Variants in PKD1L1 observed in about 807,000 individuals in gnomAD.
PKD1L1 encodes the protein polycystin 1 like 1, transient receptor potential channel interacting.
PKD1L1 carries 236 observed loss-of-function variants against 323.4 expected under a neutral mutation model. The ratio of observed to expected loss-of-function variants is 0.73; its 90% CI spans 0.66 to 0.81. The LOEUF is 0.81. Ranked by LOEUF, PKD1L1 falls within the 40% of genes least tolerant of loss-of-function variation. PKD1L1 has a pLI of 0.00. For missense variants in PKD1L1, 3,320 were observed against 3,508.0 expected, an observed-to-expected ratio of 0.95 and a Z score of 1.35; for synonymous variants, 1,344 against 1,335.0, an observed-to-expected ratio of 1.01 and a Z score of -0.15.
At position 47,940,613 on chromosome 7, in the gene PKD1L1, G is replaced by C. The variant is rs138173041; in HGVS notation, c.161-296C>G. ...TGTTCCAGAAACACCCAGTGGTCTG[G>C]TCATAAAATAATGAGGGTCAAAGGT... is the stretch of plus-strand genomic sequence containing the variant. On this transcript the variant is annotated intron_variant, in intron 2 of 56. Transcript: ENST00000289672. Among the ~76,000 whole-genome samples, 68 of 152,356 alleles carry C rather than the reference G, an allele frequency of 4.5e-4. 2 individuals carry two copies. The East Asian group carries it at 9.6e-3, about 22-fold the overall frequency.
rs752712109 is a variant in PKD1L1 at position 47,866,500 on chromosome 7, G to A, written c.4011C>T (p.Asp1337=). Residue 1337 remains aspartate, a synonymous_variant, in exon 25 of 57, where the codon GAC becomes GAT. Coordinates refer to ENST00000289672, the MANE Select transcript of PKD1L1 (RefSeq NM_138295.5). ...TRILSRLSKE[D]KTASCNQWSR... ...ACCATTGGTTGCAGGAGGCAGTTTT[G>A]TCCTCCTTAGACAAACGACTCAGGA... 1 of 1,613,866 alleles carries A rather than the reference G, an allele frequency of 6.2e-7. No individual in the cohort carries two copies. Among genetic ancestry groups the A allele is most frequent in the Non-Finnish European group, 8.5e-7 (1 of 1,179,946 alleles).
Position 47,857,455 on chromosome 7 carries a change from C to T in PKD1L1, c.4590+150G>A, listed in dbSNP as rs1785929288. ...AGAGGAGTAGAGTCAGCAACGTGTT[C>T]TAAGTGATCCCTCTTGGCACTGAGA... is the stretch of plus-strand genomic sequence containing the variant. On this transcript the variant is annotated intron_variant, in intron 28 of 56. Transcript: ENST00000289672. 19 of 652,226 alleles carry T rather than the reference C, an allele frequency of 2.9e-5. No homozygotes were observed. In the South Asian group the frequency reaches 3.3e-4, roughly 11 times the overall value. 40.4% of individuals were successfully genotyped at this position (652,226 alleles called of 1,614,324 possible). A position where few individuals can be genotyped will look rare whatever the true frequency, so the allele number is the denominator to read the frequency against.
the PKD1L1 span, among the ~76,000 whole-genome samples, chr7:47,954,178 CG>C: frequency 6.6e-6 from 1 of 152,192 alleles, no homozygotes; most frequent in African/African-American, 2.4e-5. Flanking sequence ...CTATGAGCCT[CG>C]GAAGAGCCAT....
At chr7:47,790,296 T>A (rs769639099) in intron 56 of PKD1L1, among the ~76,000 whole-genome samples, 1 of 151,972 alleles carries the variant, frequency 6.6e-6, no homozygotes, top group African/African-American at 2.4e-5. Context: ...AAACAGTTTT[T>A]TATGATTAAA....
intron 31 of PKD1L1, among the ~76,000 whole-genome samples, chr7:47,850,783 A>G (rs1785765384): frequency 6.6e-6 from 1 of 152,218 alleles, no homozygotes; most frequent in Admixed American, 6.5e-5. Context: ...TTACTGTAAT[A>G]TATCATGTAA....
intron 54 of PKD1L1, among the ~76,000 whole-genome samples, chr7:47,797,981 C>G (rs1418080818): frequency 2.0e-5 from 3 of 152,066 alleles, no homozygotes; most frequent in Non-Finnish European, 4.4e-5. Flanking sequence ...ATTCTAGGAT[C>G]AAAAAAGCTT....
chr7:47,796,233 G>A, intron 54 of PKD1L1, 83 bp from the exon 55 acceptor site: 9 of 1,228,724 alleles, frequency 7.3e-6, no homozygotes, highest in Non-Finnish European at 1.0e-5. Context: ...ACTATGCAAT[G>A]GAGATTATAT....
Position 47,877,343 on chromosome 7 carries a change from C to G in PKD1L1, c.3663+146G>C, listed in dbSNP as rs1191554486. On this transcript the variant is annotated intron_variant, in intron 22 of 56. Coordinates refer to ENST00000289672, the MANE Select transcript of PKD1L1 (RefSeq NM_138295.5). The stretch of plus-strand genomic sequence containing the variant: ...GTGGGGAAGCCCATTCATGCCTAAC[C>G]AACTTTCCAACATTCAACGGCAGGC... 1.2e-5 allele frequency: 14 copies of G among 1,200,886 alleles called. 1 individual carries two copies. Among genetic ancestry groups the G allele is most frequent in the Non-Finnish European group, 1.5e-5 (13 of 846,362 alleles). The allele number at this position is 1,200,886 out of a possible 1,614,324, so 74.4% of individuals were successfully genotyped here.
intron 9 of PKD1L1, among the ~76,000 whole-genome samples, chr7:47,906,833 T>C (rs566408060): frequency 6.6e-6 from 1 of 152,064 alleles, no homozygotes; most frequent in East Asian, 1.9e-4. Flanking sequence ...TAAATAAATA[T>C]CACATGGTCT....
chr7:47,848,319 C>A (rs992377892), intron 31 of PKD1L1, among the ~76,000 whole-genome samples: 3 of 151,848 alleles, frequency 2.0e-5, no homozygotes, highest in African/African-American at 7.3e-5. Context: ...TACGGTCCAT[C>A]TATACAATGG....
chr7:47,784,876 C>A (rs1400779968), intron 56 of PKD1L1, among the ~76,000 whole-genome samples: 1 of 152,144 alleles, frequency 6.6e-6, no homozygotes, highest in Non-Finnish European at 1.5e-5. Flanking sequence ...TTTCCAGAGC[C>A]ACCTATTAGC....
chr7:47,853,101 G>A, intron 31 of PKD1L1, 26 bp downstream of exon 31: 1 of 1,498,836 alleles, frequency 6.7e-7, no homozygotes, highest in Non-Finnish European at 9.3e-7. Flanking sequence ...AACAGAAAGG[G>A]AAAATAAGGC....
At chr7:47,921,805 C>T (rs1426511806) in intron 7 of PKD1L1, among the ~76,000 whole-genome samples, 4 of 152,102 alleles carry the variant, frequency 2.6e-5, no homozygotes, top group African/African-American at 9.7e-5. Flanking sequence ...AACCAAACAT[C>T]GTATGTTCTC....
At chr7:47,954,679 T>C in the PKD1L1 span, among the ~76,000 whole-genome samples, 1 of 152,236 alleles carries the variant, frequency 6.6e-6, no homozygotes, top group Admixed American at 6.5e-5. Context: ...AGACCGCTTA[T>C]AAATGCTCAC....
At chr7:47,936,415 TA>T (rs1264543856) in intron 4 of PKD1L1, among the ~76,000 whole-genome samples, 1 of 152,216 alleles carries the variant, frequency 6.6e-6, no homozygotes, top group African/African-American at 2.4e-5. Context: ...AGTAGAATTA[TA>T]AAGGATGTGT....
chr7:47,854,739 A>C, intron 30 of PKD1L1, 143 bp downstream of exon 30: 1 of 1,046,650 alleles, frequency 9.6e-7, no homozygotes, highest in Non-Finnish European at 1.4e-6. Flanking sequence ...TCCAAACAGC[A>C]GAATAGATAA....
rs1220650002 is a variant in PKD1L1, at chr7:47,890,698, T to C, written c.2519A>G (p.His840Arg). Residue 840 changes from histidine to arginine, a missense_variant, in exon 16 of 57, where the codon CAC becomes CGC. His to Arg is a conservative substitution (Grantham distance 29, BLOSUM62 0). Coordinates refer to ENST00000289672, the MANE Select transcript of PKD1L1 (RefSeq NM_138295.5). Reference sequence around the variant, plus strand: ...AGTGGGAGCCGCGGCATCCAGTTGGTGTGCAGTGGAGGAGTCGAAGCAGGG... The same window carrying C: ...AGTGGGAGCCGCGGCATCCAGTTGGCGTGCAGTGGAGGAGTCGAAGCAGGG... ...AHPCFDSSTA[H>R]QLDAAAPTVS... The C allele has an allele frequency of 6.2e-6, 10 of 1,613,716 alleles. No individual in the cohort carries two copies. Among genetic ancestry groups the C allele is most frequent in the Non-Finnish European group, 8.5e-6 (10 of 1,180,016 alleles).
intron 10 of PKD1L1, 84 bp from the exon 11 acceptor site, chr7:47,905,409 C>G: frequency 6.9e-7 from 1 of 1,441,354 alleles, no homozygotes. Flanking sequence ...TACTTTCCCA[C>G]TTGGTCATGG....
intron 7 of PKD1L1, among the ~76,000 whole-genome samples, chr7:47,918,318 T>C (rs1787470208): frequency 6.6e-6 from 1 of 152,092 alleles, no homozygotes; most frequent in South Asian, 2.1e-4. Flanking sequence ...ATCACAATCC[T>C]AAACATATAT....
Sources: allele counts gnomAD v4.1 joint callset (sites outside exome capture counted in the v4.1 genomes callset), GRCh38; gene constraint gnomAD v4.1.1; transcripts MANE v1.5; gene names NCBI Gene and HGNC (gene_info 2026-07-23, HGNC 2026-07-21).